MYO1A: variants seen among roughly 807,000 people sequenced by gnomAD.
The protein encoded by MYO1A is myosin IA.
Under a neutral mutation model 138.5 loss-of-function variants are expected in MYO1A, and 127 were observed. The ratio of observed to expected loss-of-function variants is 0.92; its 90% CI spans 0.79 to 1.06. The LOEUF is 1.06. Ranked by LOEUF, MYO1A falls within the 50% of genes least tolerant of loss-of-function variation. The pLI is 0.00. For synonymous variants in MYO1A, 477 were observed against 497.5 expected (o/e 0.96, Z 0.55); for missense variants, 1,211 against 1,288.8 (o/e 0.94, Z 0.92).
Position 57,043,953 on chromosome 12 carries a change from T to C in MYO1A, c.795A>G (p.Leu265=). Residue 265 remains leucine (L), a synonymous_variant, in exon 10 of 28, where the codon CTA becomes CTG. Transcript: ENST00000300119. The part of the protein sequence containing the change: ...GFSEEEIRQV[L]EVTSMVLKLG... Reference sequence around the variant, plus strand: ...GCTTTAGCACCATGGATGTCACCTCTAGCACTTGTCGAATCTCCTCCTCCG... The same window carrying C: ...GCTTTAGCACCATGGATGTCACCTCCAGCACTTGTCGAATCTCCTCCTCCG... The C allele has an allele frequency of 6.2e-7, 1 of 1,614,104 alleles. No individual in the cohort carries two copies. Among genetic ancestry groups the C allele is most frequent in the Non-Finnish European group, 8.5e-7 (1 of 1,180,000 alleles).
chr12:57,036,188 A>T, intron 22 of MYO1A, 119 bp downstream of exon 22: 1 of 994,428 alleles, frequency 1.0e-6, no homozygotes, highest in Non-Finnish European at 1.6e-6. Context: ...GGACTTAAGT[A>T]CATGCAGACT....
chr12:57,047,260 G>A (rs745899402), intron 5 of MYO1A, 43 bp downstream of exon 5: 16 of 1,592,146 alleles, frequency 1.0e-5, no homozygotes, highest in Non-Finnish European at 1.7e-6. Flanking sequence ...GTGATTCTGG[G>A]GGTTAGATGG....
Position 57,048,030 on chromosome 12 carries a change from G to A in MYO1A, c.189C>T (p.Ala63=). The A allele has an allele frequency of 6.2e-7, 1 of 1,614,150 alleles. No homozygotes were observed. The highest frequency in any genetic ancestry group is 8.5e-7 in the Non-Finnish European group (1 of 1,179,994). Residue 63 remains alanine, a synonymous_variant, in exon 3 of 28, where the codon GCC becomes GCT. Transcript: ENST00000300119. ...CATAGAAAGTATAGTCTTGATATTT[G>A]GCAATGAACTCTGGCCCATAGATGG... ...QLPIYGPEFI[A]KYQDYTFYEL... is the part of the protein sequence containing the mutation.
Position 57,029,446 on chromosome 12 carries a change from G to T in MYO1A, c.2866C>A (p.His956Asn). 1.2e-6 allele frequency: 2 copies of T among 1,614,144 alleles called. No homozygotes were observed. The highest frequency in any genetic ancestry group is 4.5e-5 in the East Asian group (2 of 44,876). Residue 956 changes from histidine to asparagine, a missense_variant, in exon 26 of 28, where the codon CAT (histidine) becomes AAT (asparagine). By Grantham distance (68) the His-to-Asn change is moderately conservative. Transcript: ENST00000300119. ...CCCAGCTCTGATACCTCACTCAGAT[G>T]CAAGCTAAAGAGCCCATCCTTGAGG... ...TSLKDGLFSL[H>N]LSEMSSVGSK...
chr12:57,043,353 GA>G lies in MYO1A; in HGVS notation c.897del (p.Arg300GlyfsTer9). On this transcript the variant is annotated frameshift_variant, in exon 11 of 28. Transcript: ENST00000300119. LOFTEE classifies it high-confidence loss of function. Reference protein sequence around the residue: ...PASGIRDGRGVREIGEMVGLN... With the variant: ...PASGIRDGRGXREIGEMVGLN... ...AAGCCCACCATCTCCCCAATCTCCC[GA>G]ACACCTGGGATAATGAGAAAGTACA... 2.5e-6 allele frequency: 4 copies of G among 1,613,550 alleles called. No individual in the cohort carries two copies. Among genetic ancestry groups the G allele is most frequent in the Non-Finnish European group, 3.4e-6 (4 of 1,179,586 alleles).
chr12:57,033,528 T>A (rs1225071194), intron 22 of MYO1A, among the ~76,000 whole-genome samples: 1 of 152,114 alleles, frequency 6.6e-6, no homozygotes, highest in Non-Finnish European at 1.5e-5. Flanking sequence ...ACCTAATTTT[T>A]AAATTTTTTT....
chr12:57,046,651 C>T lies in MYO1A; in HGVS notation c.542-1G>A. On this transcript the variant is annotated splice_acceptor_variant, in intron 7 of 27. Coordinates refer to ENST00000300119, the MANE Select transcript of MYO1A (RefSeq NM_005379.4). LOFTEE classifies it high-confidence loss of function. ...ACTAATCGGGATTTCTCAAGCAGAT[C>T]TGGCAGAGAATTAGAAAAATAATAT... The T allele has an allele frequency of 6.2e-7, 1 of 1,613,454 alleles. No homozygotes were observed. The highest frequency in any genetic ancestry group is 1.1e-5 in the South Asian group (1 of 91,062).
intron 27 of MYO1A, 74 bp from the exon 28 acceptor site, chr12:57,028,955 C>T: frequency 2.5e-6 from 4 of 1,595,404 alleles, no homozygotes; most frequent in Non-Finnish European, 3.4e-6. Flanking sequence ...TGATGGCCCC[C>T]CCATCATGCG....
chr12:57,029,740 C>T lies in MYO1A; in HGVS notation c.2724G>A (p.Lys908=). ...AVKKVNRGNG[K]TSSRILLLTK... ...AGGAGTTCAGCCTGCAGGCCCTTAC[C>T]TTGCCATTGCCACGATTGACCTTCT... is the stretch of plus-strand genomic sequence containing the variant. The change falls in exon 25 of 28, where the codon AAG becomes AAA. Residue 908 remains lysine (K), a splice_region_variant and synonymous_variant. Transcript: ENST00000300119. 1 of 1,614,230 alleles carries T rather than the reference C, an allele frequency of 6.2e-7. No individual in the cohort carries two copies. Among genetic ancestry groups the T allele is most frequent in the Non-Finnish European group, 8.5e-7 (1 of 1,180,036 alleles).
intron 22 of MYO1A, 138 bp from the exon 23 acceptor site, chr12:57,031,312 AAGGG>A: frequency 9.3e-7 from 1 of 1,070,218 alleles, no homozygotes; most frequent in Non-Finnish European, 1.4e-6. Context: ...GAAGAGATGG[AAGGG>A]AGTCACCTCT....
chr12:57,041,299 G>A lies in MYO1A; in HGVS notation c.1165-11C>T, dbSNP rs375856732. The A allele has an allele frequency of 3.7e-6, 6 of 1,611,798 alleles. No homozygotes were observed. In the Admixed American group the frequency reaches 8.3e-5, roughly 22 times the overall value. ...CTCAAAGCTATTATCCTGAGAGAGG[G>A]AGCACAGGTTAGAGAGCTCACTCCA... On this transcript the variant is annotated splice_polypyrimidine_tract_variant and intron_variant, in intron 13 of 27. Coordinates refer to ENST00000300119, the MANE Select transcript of MYO1A (RefSeq NM_005379.4).
chr12:57,031,829 G>C (rs898319809), intron 22 of MYO1A, among the ~76,000 whole-genome samples: 7 of 152,176 alleles, frequency 4.6e-5, no homozygotes, highest in African/African-American at 1.7e-4. Context: ...AATCAGCGGA[G>C]GTCAGTTACA....
chr12:57,043,411 GA>G, intron 10 of MYO1A, 53 bp from the exon 11 acceptor site: 1 of 1,539,056 alleles, frequency 6.5e-7, no homozygotes. Flanking sequence ...TCTCTCAGGG[GA>G]GGGAGTGCAA....
At position 57,031,263 on chromosome 12, in the gene MYO1A, G is replaced by A. The variant is rs2030272544; in HGVS notation, c.2350-89C>T. On this transcript the variant is annotated intron_variant, in intron 22 of 27. Coordinates refer to ENST00000300119, the MANE Select transcript of MYO1A (RefSeq NM_005379.4). The stretch of plus-strand genomic sequence containing the variant: ...GCACCCAGATCCTGCCACTTCAAAG[G>A]AGGAAGTTAACCCACAGTGAGAAGC... The A allele has an allele frequency of 1.1e-5, 17 of 1,527,626 alleles. No individual in the cohort carries two copies. The South Asian group carries it at 1.9e-4, about 17-fold the overall frequency. The allele number at this position is 1,527,626 out of a possible 1,614,324, so 94.6% of individuals were successfully genotyped here.
At position 57,037,491 on chromosome 12, in the gene MYO1A, C is replaced by T. The variant is rs2030613189; in HGVS notation, c.2055+57G>A. 2.1e-6 allele frequency: 3 copies of T among 1,459,488 alleles called. No individual in the cohort carries two copies. The East Asian group carries it at 6.8e-5, about 33-fold the overall frequency. 90.4% of individuals were successfully genotyped at this position (1,459,488 alleles called of 1,614,324 possible). ...CGCTCCCTCCCCCTCCAGCCTTTCT[C>T]AGGTGGGCTCTTCCACCTTCTACCC... is the stretch of plus-strand genomic sequence containing the variant. On this transcript the variant is annotated intron_variant, in intron 19 of 27. Coordinates refer to ENST00000300119, the MANE Select transcript of MYO1A (RefSeq NM_005379.4).
At chr12:57,045,507 C>G (rs538448782) in intron 8 of MYO1A, among the ~76,000 whole-genome samples, 1 of 152,244 alleles carries the variant, frequency 6.6e-6, no homozygotes, top group Admixed American at 6.5e-5. Context: ...CCAACCAGAA[C>G]AAGACACTAA....
In MYO1A at chr12:57,028,645, G is replaced by T; in HGVS notation, c.*110C>A. 1 of 1,465,914 alleles carries T rather than the reference G, an allele frequency of 6.8e-7. No homozygotes were observed. Among genetic ancestry groups the T allele is most frequent in the Non-Finnish European group, 9.3e-7 (1 of 1,071,772 alleles). 90.8% of individuals were successfully genotyped at this position (1,465,914 alleles called of 1,614,324 possible). A position where few individuals can be genotyped will look rare whatever the true frequency, so the allele number is the denominator to read the frequency against. On this transcript the variant is annotated 3_prime_UTR_variant, in exon 28 of 28. Transcript: ENST00000300119. ...TCTTCAAGGGTAGTTTAATCCCCAA[G>T]CCATGCGCCACGATCAGAGGGGTTA...
intron 22 of MYO1A, among the ~76,000 whole-genome samples, chr12:57,035,306 T>G (rs1309318009): frequency 6.6e-6 from 1 of 152,012 alleles, no homozygotes; most frequent in Admixed American, 6.5e-5. Context: ...GCACAAGAGG[T>G]GATCAGGCAA....
rs1468622602 is a variant in MYO1A, at chr12:57,043,499, T to C, written c.893-141A>G. On this transcript the variant is annotated intron_variant, in intron 10 of 27. Transcript: ENST00000300119. ...AAGTCATTGCAGCCAACCCAGAACA[T>C]GGCCCTGGAGGAATCTCAGGGAGTT... 4 of 832,328 alleles carry C rather than the reference T, an allele frequency of 4.8e-6. No homozygotes were observed. In the Admixed American group the frequency reaches 5.7e-5, roughly 12 times the overall value. 51.6% of individuals were successfully genotyped at this position (832,328 alleles called of 1,614,324 possible).
Sources: allele counts gnomAD v4.1 joint callset (sites outside exome capture counted in the v4.1 genomes callset), GRCh38; gene constraint gnomAD v4.1.1; transcripts MANE v1.5; gene names NCBI Gene and HGNC (gene_info 2026-07-23, HGNC 2026-07-21).